ATP2C1: variants seen among roughly 807,000 people sequenced by gnomAD.
The protein encoded by ATP2C1 is ATPase secretory pathway Ca2+ transporting 1, also known as calcium-transporting ATPase type 2C member 1.
ATP2C1 carries 31 observed loss-of-function variants against 120.5 expected under a neutral mutation model. The observed-to-expected ratio is 0.26, with a 90% CI of 0.19 to 0.35. The LOEUF is 0.35. Among genes scored for constraint, ATP2C1 ranks in the 10% least tolerant of loss-of-function variants. ATP2C1 has a pLI of 1.00. For missense variants in ATP2C1, 731 were observed against 1,107.5 expected (o/e 0.66, Z 4.83); for synonymous variants, 351 against 358.7 (o/e 0.98, Z 0.24).
chr3:131,004,094 T>G (rs937723066), downstream of ATP2C1, among the ~76,000 whole-genome samples: 1 of 152,218 alleles, frequency 6.6e-6, no homozygotes, highest in Non-Finnish European at 1.5e-5. Context: ...GCAGGGGATA[T>G]AACTGCTAAT....
chr3:130,893,564 GCC>G (rs2069276659), upstream of ATP2C1, among the ~76,000 whole-genome samples: 1 of 152,208 alleles, frequency 6.6e-6, no homozygotes, highest in African/African-American at 2.4e-5. Context: ...TGGACACCTC[GCC>G]CCTTCCTTCC....
At chr3:130,932,806 T>G (rs2059504667) in intron 4 of ATP2C1, among the ~76,000 whole-genome samples, 1 of 152,180 alleles carries the variant, frequency 6.6e-6, no homozygotes, top group South Asian at 2.1e-4. Context: ...TAAATGTCTG[T>G]GCCTTTTAAC....
intron 1 of ATP2C1, among the ~76,000 whole-genome samples, chr3:130,873,481 C>A (rs1182187642): frequency 1.3e-5 from 2 of 152,140 alleles, no homozygotes; most frequent in African/African-American, 4.8e-5. Flanking sequence ...ATTCTCACTT[C>A]CCTAAAAGTA....
At chr3:130,983,820 C>T (rs2061880739) in intron 20 of ATP2C1, among the ~76,000 whole-genome samples, 2 of 152,178 alleles carry the variant, frequency 1.3e-5, no homozygotes, top group South Asian at 2.1e-4. Context: ...TAAGGTTTCA[C>T]CATGTCTTTT....
intron 7 of ATP2C1, 75 bp downstream of exon 7, chr3:130,940,766 T>C: frequency 9.0e-7 from 1 of 1,106,718 alleles, no homozygotes; most frequent in Non-Finnish European, 1.4e-6. Context: ...CCGTACATAT[T>C]GTTATCCCCA....
chr3:130,870,114 A>G (rs1381524969), intron 1 of ATP2C1, among the ~76,000 whole-genome samples: 1 of 152,184 alleles, frequency 6.6e-6, no homozygotes, highest in Non-Finnish European at 1.5e-5. Context: ...CCTGTAGGAC[A>G]GCAGATCCAT....
At chr3:130,899,885 T>C (rs1042223181) in intron 2 of ATP2C1, among the ~76,000 whole-genome samples, 11 of 152,076 alleles carry the variant, frequency 7.2e-5, no homozygotes, top group African/African-American at 2.7e-4. Flanking sequence ...TTAGAGAATG[T>C]GTGAATTGGA....
At chr3:130,937,868 A>C (rs72985708) in intron 6 of ATP2C1, among the ~76,000 whole-genome samples, 71 of 152,338 alleles carry the variant, frequency 4.7e-4, no homozygotes, top group African/African-American at 1.7e-3. Context: ...GAAACAAAAA[A>C]GTATAGAATT....
upstream of ATP2C1, among the ~76,000 whole-genome samples, chr3:130,890,026 C>G (rs1388151491): frequency 6.6e-6 from 1 of 152,122 alleles, no homozygotes; most frequent in Non-Finnish European, 1.5e-5. Flanking sequence ...TCATAGGAAA[C>G]AAGTAGATTG....
chr3:130,967,250 T>C lies in ATP2C1; in HGVS notation c.1218+10T>C. 6.2e-7 allele frequency: 1 copy of C among 1,613,392 alleles called. No homozygotes were observed. Among genetic ancestry groups the C allele is most frequent in the Non-Finnish European group, 8.5e-7 (1 of 1,179,412 alleles). On this transcript the variant is annotated intron_variant, in intron 15 of 27. Coordinates refer to ENST00000510168, the MANE Select transcript of ATP2C1 (RefSeq NM_001378687.1). ...TAGCAGAATTGTTGAGGTAAATATTTTTTTTTCCAAGATGGTGACTTTCTT... is the reference window on the plus strand; with the variant it reads ...TAGCAGAATTGTTGAGGTAAATATTCTTTTTTCCAAGATGGTGACTTTCTT...
At chr3:130,864,983 C>A (rs970862620) in intron 1 of ATP2C1, among the ~76,000 whole-genome samples, 2 of 152,154 alleles carry the variant, frequency 1.3e-5, no homozygotes, top group Non-Finnish European at 2.9e-5. Flanking sequence ...ATCCTCCAGA[C>A]CCCAGAATGG....
chr3:131,002,566 A>C lies in ATP2C1; in HGVS notation c.*1216A>C. On this transcript the variant is annotated 3_prime_UTR_variant, in exon 28 of 28. Coordinates refer to ENST00000510168, the MANE Select transcript of ATP2C1 (RefSeq NM_001378687.1). ...GTGTAATGCCATCAGTTTTTATGAA[A>C]GCTTGATGAGGTATAGGTCATTTGT... 1 of 985,406 alleles carries C rather than the reference A, an allele frequency of 1.0e-6. No individual in the cohort carries two copies. The highest frequency in any genetic ancestry group is 1.2e-6 in the Non-Finnish European group (1 of 829,918). The allele number at this position is 985,406 out of a possible 1,614,324, so 61.0% of individuals were successfully genotyped here.
chr3:130,867,462 GT>G (rs768653419), intron 1 of ATP2C1, among the ~76,000 whole-genome samples: 3 of 138,250 alleles, frequency 2.2e-5, no homozygotes, highest in Non-Finnish European at 3.2e-5. Flanking sequence ...ACTGGTTTTC[GT>G]TTTTTTTTGG....
chr3:130,930,513 C>T lies in ATP2C1; in HGVS notation c.104C>T (p.Ala35Val), dbSNP rs765078817. ...KASELPVSEV[A>V]SILQADLQNG... ...AGTGAATTACCAGTCAGTGAAGTTG[C>T]AAGCATTCTCCAAGTAAGTGGTTAG... Residue 35 changes from alanine (A) to valine (V), a missense_variant, in exon 3 of 28, where the codon GCA (alanine) becomes GTA (valine). By Grantham distance (64) the Ala-to-Val change is moderately conservative. Coordinates refer to ENST00000510168, the MANE Select transcript of ATP2C1 (RefSeq NM_001378687.1). 6.2e-7 allele frequency: 1 copy of T among 1,606,410 alleles called. No homozygotes were observed. The highest frequency in any genetic ancestry group is 2.2e-5 in the East Asian group (1 of 44,822).
In ATP2C1 at chr3:130,993,915, C is replaced by T. The variant is rs758922463; in HGVS notation, c.1891-17C>T. On this transcript the variant is annotated splice_polypyrimidine_tract_variant and intron_variant, in intron 21 of 27. Coordinates refer to ENST00000510168, the MANE Select transcript of ATP2C1 (RefSeq NM_001378687.1). ...ATCAAAATTCCTTCCTCTCCCCTGT[C>T]CTCTGCTCCACTCTAGTCGCTACAG... 1.2e-6 allele frequency: 2 copies of T among 1,613,994 alleles called. No individual in the cohort carries two copies. The highest frequency in any genetic ancestry group is 1.7e-6 in the Non-Finnish European group (2 of 1,179,922).
chr3:131,001,926 GTTC>G lies in ATP2C1; in HGVS notation c.*579_*581del, dbSNP rs2062904681. On this transcript the variant is annotated 3_prime_UTR_variant, in exon 28 of 28. Transcript: ENST00000510168. Reference sequence around the variant, plus strand: ...AGGATGTGACCACTGTCAGATCACTGTTCTTTTCTTTCTTTTTGTGATTGAAAA... The same window carrying G: ...AGGATGTGACCACTGTCAGATCACTGTTTTCTTTCTTTTTGTGATTGAAAA... 1.0e-6 allele frequency: 1 copy of G among 984,384 alleles called. No homozygotes were observed. The highest frequency in any genetic ancestry group is 1.2e-6 in the Non-Finnish European group (1 of 828,794). The allele number at this position is 984,384 out of a possible 1,614,324, so 61.0% of individuals were successfully genotyped here. A position where few individuals can be genotyped will look rare whatever the true frequency, so the allele number is the denominator to read the frequency against.
At chr3:131,006,626 AGTGTGTGTTTGTGTGTGT>A (rs1279043859), downstream of ATP2C1, among the ~76,000 whole-genome samples, 1 of 96,188 alleles carries the variant, frequency 1.0e-5, no homozygotes, top group African/African-American at 3.8e-5. Flanking sequence ...CCAGATTTCT[AGTGTGTGTTTGTGTGTGT>A]GTGTGTGTGT....
intron 2 of ATP2C1, among the ~76,000 whole-genome samples, chr3:130,925,812 G>A (rs2059178040): frequency 6.6e-6 from 1 of 151,844 alleles, no homozygotes; most frequent in Non-Finnish European, 1.5e-5. Context: ...GGGGGGTGGG[G>A]TGAGGGTGTG....
At chr3:130,896,725 A>G (rs1410495522) in intron 2 of ATP2C1, among the ~76,000 whole-genome samples, 1 of 152,214 alleles carries the variant, frequency 6.6e-6, no homozygotes. Context: ...TTTTAAGTAA[A>G]TTACGTCACC....
Sources: allele counts gnomAD v4.1 joint callset (sites outside exome capture counted in the v4.1 genomes callset), GRCh38; gene constraint gnomAD v4.1.1; transcripts MANE v1.5; gene names NCBI Gene and HGNC (gene_info 2026-07-23, HGNC 2026-07-21).